Variants in CTNND2 observed in about 807,000 individuals in gnomAD.
CTNND2 encodes catenin delta-2.
CTNND2 carries 22 observed loss-of-function variants against 144.4 expected under a neutral mutation model. That is an observed-to-expected ratio of 0.15 (90% CI 0.11 to 0.22). The LOEUF (loss-of-function observed/expected upper bound fraction) is 0.22, where lower values mean the gene tolerates loss of function less well. CTNND2 is among the 10% of genes least tolerant of loss of function. The pLI is 1.00. For synonymous variants in CTNND2, 751 were observed against 695.6 expected, an observed-to-expected ratio of 1.08 and a Z score of -1.25; for missense variants, 1,353 against 1,618.8, an observed-to-expected ratio of 0.84 and a Z score of 2.82.
At chr5:11,714,470 T>A (rs568012864) in intron 2 of CTNND2, among the ~76,000 whole-genome samples, 1 of 152,304 alleles carries the variant, frequency 6.6e-6, no homozygotes, top group Admixed American at 6.5e-5. Flanking sequence ...AGAAGCAAGC[T>A]CACTTAAAAG....
chr5:11,819,599 ATG>A (rs1793204513), intron 1 of CTNND2, among the ~76,000 whole-genome samples: 2 of 152,202 alleles, frequency 1.3e-5, no homozygotes, highest in African/African-American at 4.8e-5. Flanking sequence ...AGCAACTAGG[ATG>A]TCACTATTTT....
intron 1 of CTNND2, among the ~76,000 whole-genome samples, chr5:11,901,256 G>T (rs1737856349): frequency 6.6e-6 from 1 of 152,084 alleles, no homozygotes; most frequent in Non-Finnish European, 1.5e-5. Flanking sequence ...GTCTGATAAG[G>T]CAAAACAGAA....
intron 3 of CTNND2, among the ~76,000 whole-genome samples, chr5:11,471,471 C>T (rs1369125630): frequency 6.6e-6 from 1 of 152,030 alleles, no homozygotes; most frequent in East Asian, 1.9e-4. Flanking sequence ...TACACTGTTT[C>T]CTACTTTTAA....
chr5:11,869,028 C>T lies in CTNND2; in HGVS notation c.37+34789G>A, dbSNP rs538086776. On this transcript the variant is annotated intron_variant, in intron 1 of 21. Coordinates refer to ENST00000304623, the MANE Select transcript of CTNND2 (RefSeq NM_001332.4). Reference sequence around the variant, plus strand: ...CCAACATCAACAGTCATTAGGGAAGCACAAATCAAAATTAGAGTATACCAC... The same window carrying T: ...CCAACATCAACAGTCATTAGGGAAGTACAAATCAAAATTAGAGTATACCAC... Among the ~76,000 whole-genome samples, 12 of 152,216 alleles carry T rather than the reference C, an allele frequency of 7.9e-5. 1 individual carries two copies. Among genetic ancestry groups the T allele is most frequent in the African/African-American group, 1.7e-4 (7 of 41,534 alleles).
At chr5:11,687,314 T>C (rs1176122785) in intron 2 of CTNND2, among the ~76,000 whole-genome samples, 1 of 152,250 alleles carries the variant, frequency 6.6e-6, no homozygotes, top group African/African-American at 2.4e-5. Context: ...GCCGTGATCA[T>C]TGGCCTCCTG....
intron 10 of CTNND2, among the ~76,000 whole-genome samples, chr5:11,204,791 C>T (rs1203549462): frequency 1.3e-5 from 2 of 151,952 alleles, no homozygotes; most frequent in Non-Finnish European, 2.9e-5. Context: ...AATAGAATTC[C>T]TCTCGGGAGG....
At chr5:11,873,425 G>C (rs753409695) in intron 1 of CTNND2, among the ~76,000 whole-genome samples, 10 of 152,084 alleles carry the variant, frequency 6.6e-5, no homozygotes, top group African/African-American at 2.4e-4. Context: ...CTAGTTAGTG[G>C]ATATACAGAG....
chr5:11,874,384 T>G (rs776029009), intron 1 of CTNND2, among the ~76,000 whole-genome samples: 1 of 152,164 alleles, frequency 6.6e-6, no homozygotes, highest in African/African-American at 2.4e-5. Context: ...CACATACCTA[T>G]GATAAAGTGA....
chr5:11,894,355 T>C (rs1737230953), intron 1 of CTNND2, among the ~76,000 whole-genome samples: 1 of 152,178 alleles, frequency 6.6e-6, no homozygotes, highest in Non-Finnish European at 1.5e-5. Context: ...TAACTTACAA[T>C]ATTTGAAGTG....
chr5:11,113,700 A>G (rs1381893042), intron 13 of CTNND2, among the ~76,000 whole-genome samples: 2 of 152,226 alleles, frequency 1.3e-5, no homozygotes, highest in Admixed American at 1.3e-4. Context: ...GATGGCACAT[A>G]ATACAATTCC....
chr5:11,838,315 A>G (rs1158836208), intron 1 of CTNND2, among the ~76,000 whole-genome samples: 7 of 152,104 alleles, frequency 4.6e-5, no homozygotes, highest in Admixed American at 4.6e-4. Flanking sequence ...AGATTACCTT[A>G]GCTGTCCTTT....
intron 12 of CTNND2, 54 bp downstream of exon 12, chr5:11,159,522 A>G: frequency 7.1e-7 from 1 of 1,401,958 alleles, no homozygotes; most frequent in Non-Finnish European, 9.8e-7. Context: ...GGAAAGAGAC[A>G]GTGTCTGGCC....
rs1251032411 is a variant in CTNND2, at chr5:11,346,353, G to A, written c.1628+19C>T. Reference sequence around the variant, plus strand: ...AACCTCTTTAGACATCATAGGGAAAGAAAAAGGTTTTTACCCACCTGGGAT... The same window carrying A: ...AACCTCTTTAGACATCATAGGGAAAAAAAAAGGTTTTTACCCACCTGGGAT... On this transcript the variant is annotated intron_variant, in intron 9 of 21. Transcript: ENST00000304623. 1 of 1,417,340 alleles carries A rather than the reference G, an allele frequency of 7.1e-7. No homozygotes were observed. The highest frequency in any genetic ancestry group is 9.3e-7 in the Non-Finnish European group (1 of 1,079,536). 87.8% of individuals were successfully genotyped at this position (1,417,340 alleles called of 1,614,324 possible).
intron 1 of CTNND2, among the ~76,000 whole-genome samples, chr5:11,738,843 C>G (rs1156387035): frequency 6.6e-6 from 1 of 152,106 alleles, no homozygotes; most frequent in Admixed American, 6.6e-5. Context: ...CTGCCCTCCC[C>G]TCTCTATAAG....
intron 8 of CTNND2, among the ~76,000 whole-genome samples, chr5:11,362,751 C>T (rs1222277349): frequency 6.6e-6 from 1 of 152,176 alleles, no homozygotes; most frequent in Non-Finnish European, 1.5e-5. Flanking sequence ...GTTACTATTG[C>T]CTCCCTCATA....
chr5:11,849,780 A>T (rs1245338415), intron 1 of CTNND2, among the ~76,000 whole-genome samples: 1 of 152,218 alleles, frequency 6.6e-6, no homozygotes, highest in Non-Finnish European at 1.5e-5. Context: ...AGGCAGTCTT[A>T]CACTTAGACT....
At chr5:11,290,469 T>C (rs1472405702) in intron 9 of CTNND2, among the ~76,000 whole-genome samples, 2 of 152,200 alleles carry the variant, frequency 1.3e-5, no homozygotes, top group Non-Finnish European at 2.9e-5. Flanking sequence ...TTTCTACCTC[T>C]ACCATGACTT....
intron 10 of CTNND2, among the ~76,000 whole-genome samples, chr5:11,228,351 C>T (rs71599569): frequency 5.2e-5 from 4 of 77,110 alleles, no homozygotes; most frequent in Non-Finnish European, 9.4e-5. Flanking sequence ...CTCTCTCTCT[C>T]TCAAAAAAAA....
chr5:11,064,669 G>C (rs968008732), intron 16 of CTNND2, among the ~76,000 whole-genome samples: 1 of 137,836 alleles, frequency 7.3e-6, no homozygotes, highest in African/African-American at 2.4e-5. Flanking sequence ...CTCATGCCTG[G>C]GTCTACCAGC....
Sources: gnomAD v4.1 joint callset for allele counts (sites outside exome capture counted in the v4.1 genomes callset) on GRCh38, gnomAD v4.1.1 for gene constraint, MANE v1.5 for transcripts, NCBI Gene and HGNC (gene_info 2026-07-23, HGNC 2026-07-21) for gene names.